The following PLCB4 variants were observed in gnomAD, a reference collection of about 807,000 sequenced individuals.
PLCB4 encodes the protein 1-phosphatidylinositol 4,5-bisphosphate phosphodiesterase beta-4.
Under a neutral mutation model 178.8 loss-of-function variants are expected in PLCB4, and 77 were observed. The observed-to-expected ratio is 0.43, with a 90% CI of 0.36 to 0.52. PLCB4 has a LOEUF of 0.52. PLCB4 is among the 20% of genes least tolerant of loss of function. The pLI is 0.00. For synonymous variants in PLCB4, 496 were observed against 490.8 expected, an observed-to-expected ratio of 1.01 and a Z score of -0.14; for missense variants, 1,024 against 1,453.4, an observed-to-expected ratio of 0.70 and a Z score of 4.80.
intron 2 of PLCB4, among the ~76,000 whole-genome samples, chr20:9,159,549 G>A (rs113447871): frequency 1.2e-3 from 177 of 152,266 alleles, no homozygotes; most frequent in African/African-American, 3.9e-3. Flanking sequence ...AGACTCATCA[G>A]TTGAACAATA....
chr20:9,403,711 T>C (rs886821781), intron 20 of PLCB4, among the ~76,000 whole-genome samples: 6 of 152,246 alleles, frequency 3.9e-5, no homozygotes, highest in African/African-American at 1.4e-4. Context: ...TTTGATTGGC[T>C]GAAACTCAGT....
intron 3 of PLCB4, among the ~76,000 whole-genome samples, chr20:9,232,041 G>A (rs1373141124): frequency 6.6e-6 from 1 of 152,128 alleles, no homozygotes; most frequent in Non-Finnish European, 1.5e-5. Context: ...GGTGAAAGAG[G>A]CACCTCACAA....
At chr20:9,213,345 A>G (rs1236756096) in intron 2 of PLCB4, among the ~76,000 whole-genome samples, 3 of 141,052 alleles carry the variant, frequency 2.1e-5, no homozygotes, top group Non-Finnish European at 4.4e-5. Flanking sequence ...GGATTTCACT[A>G]TGTTGGCTAG....
intron 3 of PLCB4, among the ~76,000 whole-genome samples, chr20:9,278,949 C>G (rs1198392073): frequency 6.6e-6 from 1 of 152,062 alleles, no homozygotes; most frequent in East Asian, 1.9e-4. Flanking sequence ...GTCCTGCCCT[C>G]ATGGAGTTCC....
chr20:9,451,251 T>C (rs1037991141), intron 32 of PLCB4, among the ~76,000 whole-genome samples: 3 of 152,150 alleles, frequency 2.0e-5, no homozygotes, highest in Non-Finnish European at 4.4e-5. Context: ...TCTAATTGGA[T>C]TAATAAGGTT....
At chr20:9,348,146 T>C (rs2033993747) in intron 7 of PLCB4, among the ~76,000 whole-genome samples, 1 of 152,174 alleles carries the variant, frequency 6.6e-6, no homozygotes, top group Admixed American at 6.5e-5. Flanking sequence ...AGGAGTCAGC[T>C]ACTAGGATAG....
At chr20:9,431,629 C>G (rs1053398362) in intron 28 of PLCB4, among the ~76,000 whole-genome samples, 1 of 146,114 alleles carries the variant, frequency 6.8e-6, no homozygotes, top group Non-Finnish European at 1.5e-5. Context: ...CCACACGGGG[C>G]CAATTTGTGT....
chr20:9,207,317 C>T (rs6056475), intron 2 of PLCB4, among the ~76,000 whole-genome samples: 3 of 152,254 alleles, frequency 2.0e-5, no homozygotes, highest in Non-Finnish European at 2.9e-5. Context: ...CTCTTACCTC[C>T]TTAGGCAAGG....
rs531577935 is a variant in PLCB4, at chr20:9,373,676, G to C, written c.744+572G>C. Among the ~76,000 whole-genome samples, 77 of 152,238 alleles carry C rather than the reference G, an allele frequency of 5.1e-4. 2 individuals are homozygous for C. The South Asian group carries it at 0.015, about 29-fold the overall frequency. ...GCTAATAGGATTGCAGGTTAAATTT[G>C]TACTTTTTCTTTTTATAACAAGCTC... On this transcript the variant is annotated intron_variant, in intron 12 of 39. Coordinates refer to ENST00000378473, the MANE Select transcript of PLCB4 (RefSeq NM_001377142.1).
At chr20:9,382,749 G>A (rs558346101) in intron 13 of PLCB4, among the ~76,000 whole-genome samples, 9 of 152,224 alleles carry the variant, frequency 5.9e-5, no homozygotes, top group African/African-American at 2.2e-4. Flanking sequence ...TGTCCTTCTA[G>A]TACCTCTTTG....
At chr20:9,069,385 C>T (rs999854331) in intron 1 of PLCB4, among the ~76,000 whole-genome samples, 179 bp downstream of exon 1, 2 of 152,098 alleles carry the variant, frequency 1.3e-5, no homozygotes, top group African/African-American at 4.8e-5. Flanking sequence ...GGCAGGGGAC[C>T]CAGACGCCAT....
chr20:9,263,974 G>A (rs1006297874), intron 3 of PLCB4, among the ~76,000 whole-genome samples: 2 of 152,142 alleles, frequency 1.3e-5, no homozygotes, highest in African/African-American at 4.8e-5. Flanking sequence ...TACTACACCT[G>A]TTTTCACTTC....
intron 25 of PLCB4, among the ~76,000 whole-genome samples, chr20:9,419,048 GT>G (rs1213425091): frequency 6.6e-6 from 1 of 151,732 alleles, no homozygotes; most frequent in Non-Finnish European, 1.5e-5. Flanking sequence ...TATTCCAATA[GT>G]TTTTTTAGTG....
intron 2 of PLCB4, among the ~76,000 whole-genome samples, chr20:9,155,089 C>T (rs923982406): frequency 6.6e-6 from 1 of 151,244 alleles, no homozygotes; most frequent in Non-Finnish European, 1.5e-5. Context: ...GTTTTTTGCC[C>T]CTGGCCCCCC....
intron 4 of PLCB4, among the ~76,000 whole-genome samples, chr20:9,325,980 C>G (rs565789741): frequency 6.6e-6 from 1 of 151,778 alleles, no homozygotes; most frequent in African/African-American, 2.4e-5. Context: ...GCCCATTTCC[C>G]GATTCCAAGA....
chr20:9,389,834 T>TC, intron 15 of PLCB4, 45 bp from the exon 16 acceptor site: 1 of 1,069,606 alleles, frequency 9.3e-7, no homozygotes, highest in African/African-American at 1.6e-5. Context: ...GTGCCTTAAT[T>TC]TTTTTGCTCT....
intron 2 of PLCB4, among the ~76,000 whole-genome samples, chr20:9,168,961 C>T (rs964010872): frequency 1.0e-5 from 1 of 99,216 alleles, no homozygotes; most frequent in African/African-American, 4.2e-5. Context: ...AAGCTCAACA[C>T]CCACCTTTCA....
chr20:9,143,868 T>G (rs1007211354), intron 2 of PLCB4, among the ~76,000 whole-genome samples: 2 of 152,250 alleles, frequency 1.3e-5, no homozygotes, highest in Admixed American at 1.3e-4. Context: ...ATCAGGGGAC[T>G]AGCTTGCTGG....
At chr20:9,251,184 A>G (rs572373380) in intron 3 of PLCB4, among the ~76,000 whole-genome samples, 1 of 152,300 alleles carries the variant, frequency 6.6e-6, no homozygotes, top group Non-Finnish European at 1.5e-5. Context: ...TGGCTTTGCC[A>G]CCTGGTTTTG....
Sources: allele counts gnomAD v4.1 joint callset (sites outside exome capture counted in the v4.1 genomes callset), GRCh38; gene constraint gnomAD v4.1.1; transcripts MANE v1.5; gene names NCBI Gene and HGNC (gene_info 2026-07-23, HGNC 2026-07-21).